The following NELL2 variants were observed in gnomAD, a reference collection of about 807,000 sequenced individuals.
NELL2 encodes protein kinase C-binding protein NELL2.
In NELL2, 41 loss-of-function variants were observed where a neutral mutation model predicts 109.6. That is an observed-to-expected ratio of 0.37 (90% CI 0.29 to 0.49). The LOEUF (loss-of-function observed/expected upper bound fraction) is 0.49, where lower values mean the gene tolerates loss of function less well. NELL2 is among the 20% of genes least tolerant of loss of function. The pLI, the probability that NELL2 is intolerant of heterozygous loss-of-function variation, is 0.98. For missense variants in NELL2, 900 were observed against 1,008.3 expected (o/e 0.89, Z 1.45); for synonymous variants, 355 against 344.7 (o/e 1.03, Z -0.33).
chr12:44,867,498 T>C (rs1191437337), intron 2 of NELL2, among the ~76,000 whole-genome samples: 1 of 152,146 alleles, frequency 6.6e-6, no homozygotes, highest in Non-Finnish European at 1.5e-5. Context: ...AGTTCAGATA[T>C]AACAAATCTA....
intron 13 of NELL2, among the ~76,000 whole-genome samples, chr12:44,626,587 G>C (rs1946273870): frequency 6.6e-6 from 1 of 152,138 alleles, no homozygotes; most frequent in Admixed American, 6.6e-5. Flanking sequence ...TGAGGACAGA[G>C]ACCCTAATTT....
chr12:44,747,736 C>T (rs191470360), intron 9 of NELL2, among the ~76,000 whole-genome samples: 2 of 152,100 alleles, frequency 1.3e-5, no homozygotes, highest in Non-Finnish European at 2.9e-5. Flanking sequence ...TTATCTATTA[C>T]CCATGTGCTG....
intron 1 of NELL2, among the ~76,000 whole-genome samples, chr12:44,913,039 C>T (rs1024177168): frequency 1.6e-4 from 24 of 152,264 alleles, no homozygotes; most frequent in African/African-American, 5.1e-4. Context: ...AAGTGCTTGG[C>T]ATACAGTAAG....
intron 12 of NELL2, among the ~76,000 whole-genome samples, chr12:44,689,587 G>A (rs766693952): frequency 1.3e-5 from 2 of 152,168 alleles, no homozygotes; most frequent in Non-Finnish European, 2.9e-5. Context: ...GCCCTCAAGA[G>A]AATCAAATAG....
chr12:44,514,676 C>A (rs140287727), intron 19 of NELL2, among the ~76,000 whole-genome samples: 2 of 151,304 alleles, frequency 1.3e-5, no homozygotes, highest in African/African-American at 4.8e-5. Flanking sequence ...AGTCTTGGAA[C>A]GTATATCCCT....
intron 2 of NELL2, among the ~76,000 whole-genome samples, chr12:44,820,325 T>C (rs886318294): frequency 6.6e-6 from 1 of 152,022 alleles, no homozygotes. Context: ...AAGTAGAATC[T>C]AGGCCGGGCG....
At chr12:44,880,480 T>C (rs1175810422), upstream of NELL2, among the ~76,000 whole-genome samples, 1 of 151,684 alleles carries the variant, frequency 6.6e-6, no homozygotes, top group East Asian at 1.9e-4. Flanking sequence ...CCAAGACCGA[T>C]AAAAAGAATG....
chr12:44,706,937 T>C (rs1172196784), intron 11 of NELL2, among the ~76,000 whole-genome samples: 1 of 152,152 alleles, frequency 6.6e-6, no homozygotes, highest in Non-Finnish European at 1.5e-5. Context: ...TGCATTCTTA[T>C]ATAACTGGAA....
At chr12:44,804,749 G>A (rs1205418826) in intron 3 of NELL2, among the ~76,000 whole-genome samples, 1 of 151,806 alleles carries the variant, frequency 6.6e-6, no homozygotes, top group African/African-American at 2.4e-5. Flanking sequence ...AACATTCATT[G>A]TGGAAAAGAA....
intron 15 of NELL2, among the ~76,000 whole-genome samples, chr12:44,537,208 T>G (rs557473650): frequency 3.9e-5 from 6 of 152,096 alleles, no homozygotes; most frequent in African/African-American, 1.4e-4. Flanking sequence ...TAAAGGGTCA[T>G]TTTAGAAAAT....
rs1388471678 is a variant in NELL2 at position 44,704,973 on chromosome 12, C to T, written c.1190-1119G>A. Among the ~76,000 whole-genome samples, 7 of 147,872 alleles carry T rather than the reference C, an allele frequency of 4.7e-5. No individual in the cohort carries two copies. In the East Asian group the frequency reaches 6.1e-4, roughly 13 times the overall value. On this transcript the variant is annotated intron_variant, in intron 11 of 19. Coordinates refer to ENST00000429094, the MANE Select transcript of NELL2 (RefSeq NM_001145108.2). The stretch of plus-strand genomic sequence containing the variant: ...GGCAGAGGTTGCAGTGAGCCAAGAT[C>T]GCGCCGCTGCACTCCAGCCTGGGCA...
intron 13 of NELL2, among the ~76,000 whole-genome samples, chr12:44,644,592 A>ATATATATGTATGTG (rs1555190822): frequency 1.0e-4 from 10 of 97,038 alleles, no homozygotes; most frequent in African/African-American, 4.7e-4. Context: ...ATATATATAT[A>ATATATATGTATGTG]TATATATATA....
At chr12:44,902,067 G>C (rs1304335940) in intron 1 of NELL2, among the ~76,000 whole-genome samples, 1 of 152,150 alleles carries the variant, frequency 6.6e-6, no homozygotes, top group African/African-American at 2.4e-5. Flanking sequence ...TCCGGCAAGA[G>C]AAAGAAATAA....
intron 13 of NELL2, among the ~76,000 whole-genome samples, chr12:44,651,823 T>G (rs1365340382): frequency 1.3e-5 from 2 of 152,082 alleles, no homozygotes; most frequent in Non-Finnish European, 2.9e-5. Flanking sequence ...TTCCTAGTAT[T>G]TATCCGAACA....
intron 15 of NELL2, among the ~76,000 whole-genome samples, chr12:44,589,530 C>T (rs569938180): frequency 1.3e-4 from 20 of 152,022 alleles, no homozygotes; most frequent in Admixed American, 9.2e-4. Context: ...ACTACAGGCA[C>T]GTACCACCTC....
chr12:44,700,823 T>C (rs1465585862), intron 12 of NELL2, among the ~76,000 whole-genome samples: 3 of 152,202 alleles, frequency 2.0e-5, no homozygotes. Flanking sequence ...TTTACTGCTT[T>C]ATCCTTATCT....
chr12:44,774,683 A>T (rs1336677505), intron 9 of NELL2, 64 bp downstream of exon 9: 1 of 1,302,508 alleles, frequency 7.7e-7, no homozygotes, highest in Non-Finnish European at 1.1e-6. Context: ...ATGATGGGTG[A>T]ATACTTATTA....
chr12:44,588,170 CAAA>C (rs35003349), intron 15 of NELL2, among the ~76,000 whole-genome samples: 3 of 101,024 alleles, frequency 3.0e-5, no homozygotes, highest in Admixed American at 1.1e-4. Flanking sequence ...GACTCCGTCT[CAAA>C]AAAAAAAAAA....
intron 15 of NELL2, among the ~76,000 whole-genome samples, chr12:44,556,787 G>A (rs2136174702): frequency 6.6e-6 from 1 of 152,310 alleles, no homozygotes; most frequent in South Asian, 2.1e-4. Flanking sequence ...AAAATGATTA[G>A]ATAGACAAGC....
Sources: gnomAD v4.1 joint callset for allele counts (sites outside exome capture counted in the v4.1 genomes callset) on GRCh38, gnomAD v4.1.1 for gene constraint, MANE v1.5 for transcripts, NCBI Gene and HGNC (gene_info 2026-07-23, HGNC 2026-07-21) for gene names.